The following MED21 variants were observed in gnomAD, a reference collection of about 807,000 sequenced individuals.
MED21 encodes mediator of RNA polymerase II transcription subunit 21.
Under a neutral mutation model 18.2 loss-of-function variants are expected in MED21, and 9 were observed. The ratio of observed to expected loss-of-function variants is 0.49; its 90% CI spans 0.30 to 0.86. The LOEUF (loss-of-function observed/expected upper bound fraction) is 0.86, where lower values mean the gene tolerates loss of function less well. MED21 is among the 40% of genes least tolerant of loss of function. The pLI is 0.07. For missense variants in MED21, 150 were observed against 170.9 expected (o/e 0.88, Z 0.68); for synonymous variants, 73 against 60.5 (o/e 1.21, Z -0.96).
downstream of MED21, among the ~76,000 whole-genome samples, chr12:27,033,830 G>A (rs1423518790): frequency 6.6e-6 from 1 of 152,138 alleles, no homozygotes; most frequent in East Asian, 1.9e-4. Context: ...AGAAACTTGT[G>A]GTATTCGGCC....
Position 27,030,237 on chromosome 12 carries a change from C to G in MED21, c.*1776C>G. 1.6e-6 allele frequency: 1 copy of G among 632,684 alleles called. No individual in the cohort carries two copies. Among genetic ancestry groups the G allele is most frequent in the Non-Finnish European group, 2.9e-6 (1 of 343,950 alleles). The allele number at this position is 632,684 out of a possible 1,614,324, so 39.2% of individuals were successfully genotyped here. On this transcript the variant is annotated 3_prime_UTR_variant, in exon 4 of 4. Transcript: ENST00000282892. Reference sequence around the variant, plus strand: ...AGCTTCACCCTGGGTTCAGGTGATCCTCCCACTTCAGCCTCTTCAGTAACT... The same window carrying G: ...AGCTTCACCCTGGGTTCAGGTGATCGTCCCACTTCAGCCTCTTCAGTAACT...
At chr12:27,023,050 A>T (rs543245810) in intron 1 of MED21, among the ~76,000 whole-genome samples, 1 of 152,114 alleles carries the variant, frequency 6.6e-6, no homozygotes, top group East Asian at 1.9e-4. Flanking sequence ...GCTCTGGATG[A>T]CTGGGTTTTT....
chr12:27,037,260 A>G (rs1941655290), intron 2 of MED21: 2 of 151,614 alleles, frequency 1.3e-5, no homozygotes, highest in Admixed American at 1.3e-4. Flanking sequence ...TCGGTGTATA[A>G]GAATGCTTGT....
intron 1 of MED21, among the ~76,000 whole-genome samples, chr12:27,025,394 A>G (rs1941530340): frequency 6.6e-6 from 1 of 152,242 alleles, no homozygotes; most frequent in Non-Finnish European, 1.5e-5. Flanking sequence ...GCTTCAAAAC[A>G]GCCTGAGTTG....
chr12:27,035,838 T>C (rs1484690561), intron 2 of MED21, among the ~76,000 whole-genome samples: 3 of 151,718 alleles, frequency 2.0e-5, no homozygotes, highest in African/African-American at 4.9e-5. Context: ...CAGTCTATCA[T>C]TGTTGGACAT....
chr12:27,035,312 GGT>G (rs1941643155), downstream of MED21, among the ~76,000 whole-genome samples: 1 of 151,694 alleles, frequency 6.6e-6, no homozygotes, highest in Non-Finnish European at 1.5e-5. Flanking sequence ...CTAAATATGC[GGT>G]TTCTTTGAAT....
Position 27,030,583 on chromosome 12 carries a change from A to G in MED21, c.*2122A>G, listed in dbSNP as rs945483478. On this transcript the variant is annotated 3_prime_UTR_variant, in exon 4 of 4. Transcript: ENST00000282892. ...TATTTTATTTCATTAATACAGCAATAATTAAATGTCAATGATCTAAGCTGA... is the reference window on the plus strand; with the variant it reads ...TATTTTATTTCATTAATACAGCAATGATTAAATGTCAATGATCTAAGCTGA... 6.0e-6 allele frequency: 1 copy of G among 168,050 alleles called. No individual in the cohort carries two copies. The highest frequency in any genetic ancestry group is 1.3e-5 in the Non-Finnish European group (1 of 78,714). 10.4% of individuals were successfully genotyped at this position (168,050 alleles called of 1,614,324 possible).
At position 27,028,430 on chromosome 12, in the gene MED21, G is replaced by A. The variant is rs867677574; in HGVS notation, c.404G>A (p.Gly135Asp). The A allele has an allele frequency of 2.5e-6, 4 of 1,613,922 alleles. No individual in the cohort carries two copies. The African/African-American group carries it at 5.3e-5, about 22-fold the overall frequency. ...CAGTCACAGCTGAAGACAAGAAGTG[G>A]TACCCATAGCCAGTCTCTTCCAGAC... ...IAQSQLKTRSGTHSQSLPDS is the reference protein window; with the variant it reads ...IAQSQLKTRSDTHSQSLPDS Residue 135 changes from glycine to aspartate, a missense_variant, in exon 4 of 4, where the codon GGT becomes GAT. Physicochemically the swap from Gly to Asp is moderately conservative, Grantham distance 94 (BLOSUM62 -1). Coordinates refer to ENST00000282892, the MANE Select transcript of MED21 (RefSeq NM_004264.5).
intron 1 of MED21, among the ~76,000 whole-genome samples, chr12:27,023,301 T>TTTC (rs1555110754): frequency 1.9e-4 from 1 of 5,402 alleles, no homozygotes; most frequent in Non-Finnish European, 1.3e-3. Flanking sequence ...TTTTCTTTTC[T>TTTC]TTTTTTTTTT....
chr12:27,029,723 T>A lies in MED21; in HGVS notation c.*1262T>A. 1.0e-6 allele frequency: 1 copy of A among 983,464 alleles called. No homozygotes were observed. The highest frequency in any genetic ancestry group is 1.2e-6 in the Non-Finnish European group (1 of 828,076). The allele number at this position is 983,464 out of a possible 1,614,324, so 60.9% of individuals were successfully genotyped here. On this transcript the variant is annotated 3_prime_UTR_variant, in exon 4 of 4. Coordinates refer to ENST00000282892, the MANE Select transcript of MED21 (RefSeq NM_004264.5). The stretch of plus-strand genomic sequence containing the variant: ...GAACTTTTAACTGTATTTTAATTGA[T>A]GTTTATTAAAAACACTTTGCTATCA...
chr12:27,037,670 A>T (rs923805667), intron 2 of MED21: 3 of 152,166 alleles, frequency 2.0e-5, no homozygotes, highest in Non-Finnish European at 4.4e-5. Context: ...TAGAAAATGT[A>T]TTTTTTGTAT....
In MED21 at chr12:27,028,320, T is replaced by C. The variant is rs777525734; in HGVS notation, c.294T>C (p.His98=). The change falls in exon 4 of 4, where the codon CAT becomes CAC. Residue 98 remains histidine (H), a synonymous_variant. Transcript: ENST00000282892. ...ASLYKLEEEN[H]EAATCLEDVV... ...TGTATAAGCTAGAAGAAGAAAACCA[T>C]GAAGCTGCTACATGTCTGGAGGATG... 1.4e-5 allele frequency: 23 copies of C among 1,613,990 alleles called. No individual in the cohort carries two copies. Among genetic ancestry groups the C allele is most frequent in the Non-Finnish European group, 1.8e-5 (21 of 1,179,974 alleles).
Position 27,026,517 on chromosome 12 carries a change from C to T in MED21, c.140C>T (p.Pro47Leu). The change falls in exon 2 of 4, where the codon CCA becomes CTA. Residue 47 changes from proline (P) to leucine (L), a missense_variant. Pro to Leu is a moderately conservative substitution (Grantham distance 98, BLOSUM62 -3). Transcript: ENST00000282892. The part of the protein sequence containing the change: ...NIQTAINKDQ[P>L]ANPTEEYAQL... ...CAGACAGCAATTAACAAAGACCAGC[C>T]AGCTAACCCTACAGAAGGTAAACAG... 1 of 1,612,826 alleles carries T rather than the reference C, an allele frequency of 6.2e-7. No homozygotes were observed. The highest frequency in any genetic ancestry group is 8.5e-7 in the Non-Finnish European group (1 of 1,179,040).
downstream of MED21, among the ~76,000 whole-genome samples, chr12:27,031,445 T>G (rs1941618592): frequency 6.6e-6 from 1 of 152,228 alleles, no homozygotes; most frequent in African/African-American, 2.4e-5. Flanking sequence ...GGAAGGGTAT[T>G]CTGGCATTTC....
At chr12:27,027,599 C>T in intron 3 of MED21, 152 bp downstream of exon 3, 1 of 591,388 alleles carries the variant, frequency 1.7e-6, no homozygotes, top group East Asian at 3.0e-5. Flanking sequence ...TATTTTCTCA[C>T]AGTTCTGGAG....
intron 1 of MED21, chr12:27,022,827 C>A: frequency 6.7e-7 from 1 of 1,488,896 alleles, no homozygotes. Context: ...CGGGAGGGAG[C>A]AGACTCTTTC....
Position 27,028,357 on chromosome 12 carries a change from G to A in MED21, c.331G>A (p.Gly111Arg), listed in dbSNP as rs1462619337. ...ATCLEDVVYR[G>R]DMLLEKIQSA... ...ATGTCTGGAGGATGTTGTTTATCGA[G>A]GAGACATGCTTCTGGAGAAGATACA... is the stretch of plus-strand genomic sequence containing the variant. Residue 111 changes from glycine to arginine, a missense_variant, in exon 4 of 4, where the codon GGA becomes AGA. By Grantham distance (125) the Gly-to-Arg change is moderately radical. Coordinates refer to ENST00000282892, the MANE Select transcript of MED21 (RefSeq NM_004264.5). The A allele has an allele frequency of 6.2e-7, 1 of 1,614,008 alleles. No individual in the cohort carries two copies. Among genetic ancestry groups the A allele is most frequent in the Admixed American group, 1.7e-5 (1 of 60,004 alleles).
At chr12:27,022,880 G>C in intron 1 of MED21, 2 of 1,403,202 alleles carry the variant, frequency 1.4e-6, no homozygotes, top group Non-Finnish European at 1.9e-6. Flanking sequence ...GGGTGAGGCC[G>C]CCAGGACTTG....
intron 2 of MED21, chr12:27,038,255 G>T (rs1941661473): frequency 6.6e-6 from 1 of 151,146 alleles, no homozygotes. Flanking sequence ...GCAACAAATG[G>T]TAAGAAAAAC....
Sources: allele counts gnomAD v4.1 joint callset (sites outside exome capture counted in the v4.1 genomes callset), GRCh38; gene constraint gnomAD v4.1.1; transcripts MANE v1.5; gene names NCBI Gene and HGNC (gene_info 2026-07-23, HGNC 2026-07-21).